PEDS1: variants seen among roughly 807,000 people sequenced by gnomAD.
PEDS1 encodes CarF homolog.
PEDS1 carries 14 observed loss-of-function variants against 35.2 expected under a neutral mutation model. The ratio of observed to expected loss-of-function variants is 0.40; its 90% CI spans 0.26 to 0.62. The LOEUF (loss-of-function observed/expected upper bound fraction) is 0.62, where lower values mean the gene tolerates loss of function less well. Ranked by LOEUF, PEDS1 falls within the 20% of genes least tolerant of loss-of-function variation. The pLI is 0.44. For synonymous variants in PEDS1, 152 were observed against 152.0 expected, an observed-to-expected ratio of 1.00 and a Z score of 0.00; for missense variants, 260 against 367.8, an observed-to-expected ratio of 0.71 and a Z score of 2.40.
At chr20:50,142,229 A>G (rs1317918475) in intron 2 of PEDS1, among the ~76,000 whole-genome samples, 1 of 152,230 alleles carries the variant, frequency 6.6e-6, no homozygotes, top group Non-Finnish European at 1.5e-5. Flanking sequence ...TCTCTCATTT[A>G]TTCATTCATC....
At chr20:50,132,615 C>T (rs1321785558) in intron 2 of PEDS1, among the ~76,000 whole-genome samples, 1 of 152,172 alleles carries the variant, frequency 6.6e-6, no homozygotes, top group Non-Finnish European at 1.5e-5. Flanking sequence ...TATTGTTCTC[C>T]AAGCACTCGG....
In PEDS1 at chr20:50,118,306, T is replaced by C. The variant is rs1315413747; in HGVS notation, c.*6752A>G. On this transcript the variant is annotated 3_prime_UTR_variant, in exon 6 of 6. Coordinates refer to ENST00000371652, the MANE Select transcript of PEDS1 (RefSeq NM_199129.4). ...CATTTGCCATATTCCAGGAACATGGTATTTTGCATATAATAATGTATTTAA... is the reference window on the plus strand; with the variant it reads ...CATTTGCCATATTCCAGGAACATGGCATTTTGCATATAATAATGTATTTAA... 2 of 152,176 alleles carry C rather than the reference T, an allele frequency of 1.3e-5. No individual in the cohort carries two copies. The highest frequency in any genetic ancestry group is 2.9e-5 in the Non-Finnish European group (2 of 68,038). The allele number at this position is 152,176 out of a possible 1,614,324, so 9.4% of individuals were successfully genotyped here.
In PEDS1 at chr20:50,124,643, C is replaced by A. The variant is rs759263359; in HGVS notation, c.*415G>T. On this transcript the variant is annotated 3_prime_UTR_variant, in exon 6 of 6. Coordinates refer to ENST00000371652, the MANE Select transcript of PEDS1 (RefSeq NM_199129.4). ...AGGGCTGTGGCAGAACAATGCTCCA[C>A]GACGCTTAGGTGTGCCTGGGGGCTC... The A allele has an allele frequency of 1.1e-5, 2 of 177,532 alleles. No homozygotes were observed. The highest frequency in any genetic ancestry group is 2.4e-5 in the Non-Finnish European group (2 of 81,888). The allele number at this position is 177,532 out of a possible 1,614,324, so 11.0% of individuals were successfully genotyped here.
At position 50,128,581 on chromosome 20, in the gene PEDS1, G is replaced by A. The variant is rs1182241717; in HGVS notation, c.479-394C>T. Reference sequence around the variant, plus strand: ...GCCTTCACCCAGGTTCCCTAGAAGCGGAGCCTGAAACAGGTTCTTGTGCAT... The same window carrying A: ...GCCTTCACCCAGGTTCCCTAGAAGCAGAGCCTGAAACAGGTTCTTGTGCAT... On this transcript the variant is annotated intron_variant, in intron 4 of 5. Coordinates refer to ENST00000371652, the MANE Select transcript of PEDS1 (RefSeq NM_199129.4). The surrounding 1 kb of genome is among the most constrained non-coding windows in gnomAD (Gnocchi z 5.2). 2.6e-5 allele frequency among the ~76,000 whole-genome samples: 4 copies of A among 152,118 alleles called. No individual in the cohort carries two copies. Among genetic ancestry groups the A allele is most frequent in the Non-Finnish European group, 4.4e-5 (3 of 68,024 alleles).
rs1300890711 is a variant in PEDS1, at chr20:50,129,235, G to A, written c.478+311C>T. On this transcript the variant is annotated intron_variant, in intron 4 of 5. Transcript: ENST00000371652. This position sits in a 1 kb window ranked among gnomAD's most constrained non-coding sequence, Gnocchi z 4.2. ...AAATGAACAAGGTGGGTTGGGTGCA[G>A]GGAAGCAAGGAATAGTGGGGACGGT... Among the ~76,000 whole-genome samples, 1 of 152,178 alleles carries A rather than the reference G, an allele frequency of 6.6e-6. No individual in the cohort carries two copies. The highest frequency in any genetic ancestry group is 1.5e-5 in the Non-Finnish European group (1 of 68,032).
chr20:50,119,602 T>C lies in PEDS1; in HGVS notation c.*5456A>G, dbSNP rs1317215387. Reference sequence around the variant, plus strand: ...AACTGTGTGCATAATATCCTACATATTGTGTGAAAAGGAGTGGGGCAGACA... The same window carrying C: ...AACTGTGTGCATAATATCCTACATACTGTGTGAAAAGGAGTGGGGCAGACA... On this transcript the variant is annotated 3_prime_UTR_variant, in exon 6 of 6. Transcript: ENST00000371652. 6.6e-6 allele frequency: 1 copy of C among 152,072 alleles called. No individual in the cohort carries two copies. The highest frequency in any genetic ancestry group is 1.5e-5 in the Non-Finnish European group (1 of 68,016). The allele number at this position is 152,072 out of a possible 1,614,324, so 9.4% of individuals were successfully genotyped here. A position where few individuals can be genotyped will look rare whatever the true frequency, so the allele number is the denominator to read the frequency against.
rs1316845411 is a variant in PEDS1 at position 50,118,624 on chromosome 20, T to G, written c.*6434A>C. On this transcript the variant is annotated 3_prime_UTR_variant, in exon 6 of 6. Transcript: ENST00000371652. ...TGAAGCTATACGTTTTTACTTTTTT[T>G]TTGTTTTTTTTTTGAGACAGAGTCT... The G allele has an allele frequency of 5.9e-5, 9 of 152,146 alleles. No individual in the cohort carries two copies. The highest frequency in any genetic ancestry group is 1.9e-4 in the East Asian group (1 of 5,204). The allele number at this position is 152,146 out of a possible 1,614,324, so 9.4% of individuals were successfully genotyped here.
At chr20:50,143,789 C>T in intron 1 of PEDS1, among the ~76,000 whole-genome samples, 168 bp from the exon 2 acceptor site, 1 of 152,058 alleles carries the variant, frequency 6.6e-6, no homozygotes, top group African/African-American at 2.4e-5. Context: ...CCTCCACCTC[C>T]CAGGTTCAAT....
intron 2 of PEDS1, among the ~76,000 whole-genome samples, chr20:50,134,974 G>C (rs1396562764): frequency 6.6e-6 from 1 of 152,014 alleles, no homozygotes; most frequent in Non-Finnish European, 1.5e-5. Flanking sequence ...CTGGAGGTCA[G>C]GAGTTTGATA....
At chr20:50,151,418 TC>T (rs1330517656) in intron 1 of PEDS1, 10 of 673,460 alleles carry the variant, frequency 1.5e-5, no homozygotes, top group Non-Finnish European at 2.4e-5. Context: ...ATTTGGGCTG[TC>T]TGAAAGTAGG....
intron 2 of PEDS1, among the ~76,000 whole-genome samples, chr20:50,141,498 A>G (rs1319035668): frequency 1.3e-5 from 2 of 152,180 alleles, no homozygotes; most frequent in African/African-American, 2.4e-5. Context: ...TGCCTTCACA[A>G]CAGCCCTAGG....
chr20:50,148,096 G>C (rs527256701), intron 1 of PEDS1, among the ~76,000 whole-genome samples: 1 of 152,162 alleles, frequency 6.6e-6, no homozygotes, highest in South Asian at 2.1e-4. Context: ...TCTCCAGGGG[G>C]AGAAAACATA....
chr20:50,142,592 C>T (rs1321812080), intron 2 of PEDS1, among the ~76,000 whole-genome samples: 2 of 151,862 alleles, frequency 1.3e-5, no homozygotes, highest in Admixed American at 6.6e-5. Context: ...GCGCCTGCCA[C>T]CACGGCCGGC....
intron 1 of PEDS1, among the ~76,000 whole-genome samples, chr20:50,145,031 C>T (rs1351596817): frequency 6.6e-6 from 1 of 151,536 alleles, no homozygotes; most frequent in Non-Finnish European, 1.5e-5. Context: ...GGTGAAACCC[C>T]ATCTCTACTA....
chr20:50,131,595 G>A (rs1029124259), intron 2 of PEDS1, among the ~76,000 whole-genome samples: 1 of 151,488 alleles, frequency 6.6e-6, no homozygotes, highest in Non-Finnish European at 1.5e-5. Flanking sequence ...GCACTCCAGC[G>A]TGGGTGACAG....
chr20:50,151,497 C>T (rs999798008), intron 1 of PEDS1, among the ~76,000 whole-genome samples: 6 of 152,170 alleles, frequency 3.9e-5, no homozygotes, highest in Admixed American at 2.6e-4. Context: ...ATCCCCAATT[C>T]CCAGGTGGGG....
intron 1 of PEDS1, among the ~76,000 whole-genome samples, chr20:50,145,441 T>G (rs1401197341): frequency 3.9e-5 from 6 of 152,050 alleles, no homozygotes; most frequent in African/African-American, 1.4e-4. Flanking sequence ...ACACCTGTAA[T>G]CCCAGCACCT....
intron 1 of PEDS1, among the ~76,000 whole-genome samples, chr20:50,146,310 C>G (rs371320990): frequency 2.6e-5 from 4 of 152,138 alleles, no homozygotes; most frequent in African/African-American, 9.7e-5. Context: ...CACACTCCCC[C>G]CACACGAGGC....
rs1029816764 is a variant in PEDS1, at chr20:50,122,701, C to G, written c.*2357G>C. On this transcript the variant is annotated 3_prime_UTR_variant, in exon 6 of 6. Coordinates refer to ENST00000371652, the MANE Select transcript of PEDS1 (RefSeq NM_199129.4). Reference sequence around the variant, plus strand: ...TATTGCAGAAACTATCTAGCCTAGACTAGCTATTGACTATGTCTGTAGCGT... The same window carrying G: ...TATTGCAGAAACTATCTAGCCTAGAGTAGCTATTGACTATGTCTGTAGCGT... The G allele has an allele frequency of 1.3e-5, 2 of 152,218 alleles. No individual in the cohort carries two copies. Among genetic ancestry groups the G allele is most frequent in the Admixed American group, 1.3e-4 (2 of 15,282 alleles). The allele number at this position is 152,218 out of a possible 1,614,324, so 9.4% of individuals were successfully genotyped here.
Sources: allele counts gnomAD v4.1 joint callset (sites outside exome capture counted in the v4.1 genomes callset), GRCh38; gene constraint gnomAD v4.1.1; non-coding constraint Gnocchi (gnomAD v3.1); transcripts MANE v1.5; gene names NCBI Gene and HGNC (gene_info 2026-07-23, HGNC 2026-07-21).